DIP2C: variants seen among roughly 807,000 people sequenced by gnomAD.
DIP2C encodes the protein disco-interacting protein 2 homolog C.
A neutral mutation model predicts 192.4 loss-of-function variants in DIP2C; 33 were observed. That is an observed-to-expected ratio of 0.17 (90% CI 0.13 to 0.23). DIP2C has a LOEUF of 0.23. DIP2C is among the 10% of genes least tolerant of loss of function. DIP2C has a pLI of 1.00. For synonymous variants in DIP2C, 979 were observed against 864.1 expected, an observed-to-expected ratio of 1.13 and a Z score of -2.33; for missense variants, 1,537 against 2,110.1, an observed-to-expected ratio of 0.73 and a Z score of 5.32.
chr10:565,015 C>A (rs1163451057), intron 1 of DIP2C, among the ~76,000 whole-genome samples: 2 of 152,156 alleles, frequency 1.3e-5, no homozygotes, highest in Admixed American at 6.5e-5. Flanking sequence ...AAACACTTTT[C>A]TGGTCCCCTT....
Position 331,182 on chromosome 10 carries a change from A to G in DIP2C, c.3585-1581T>C, listed in dbSNP as rs149514110. ...GTTAGGCCTTGTTAACTACTATGCT[A>G]TAATACTAAAGCCAGTTCTTTAATG... On this transcript the variant is annotated intron_variant, in intron 29 of 36. Coordinates refer to ENST00000280886, the MANE Select transcript of DIP2C (RefSeq NM_014974.3). Among the ~76,000 whole-genome samples the G allele has an allele frequency of 5.4e-3, 821 of 152,258 alleles. 7 individuals carry two copies. The highest frequency in any genetic ancestry group is 0.028 in the South Asian group (136 of 4,818).
intron 3 of DIP2C, 46 bp downstream of exon 3, chr10:472,393 C>T (rs1159741816): frequency 1.3e-6 from 2 of 1,568,110 alleles, no homozygotes; most frequent in African/African-American, 2.7e-5. Flanking sequence ...ACCGTCCTGG[C>T]ACAGGTGGCA....
intron 17 of DIP2C, among the ~76,000 whole-genome samples, chr10:381,970 A>G (rs1201960087): frequency 6.6e-6 from 1 of 152,172 alleles, no homozygotes. Context: ...CTACAACAGC[A>G]TATTTAGGCC....
chr10:583,555 C>G (rs994907471), intron 1 of DIP2C, among the ~76,000 whole-genome samples: 5 of 152,202 alleles, frequency 3.3e-5, no homozygotes, highest in Non-Finnish European at 5.9e-5. Context: ...TGAAAGCACA[C>G]AGGTCAGGGC....
intron 3 of DIP2C, among the ~76,000 whole-genome samples, chr10:463,943 A>T (rs916582142): frequency 4.6e-5 from 7 of 152,226 alleles, no homozygotes; most frequent in Admixed American, 4.6e-4. Flanking sequence ...GCTAGCCATA[A>T]GCAGAAAACT....
chr10:346,638 CACCCA>C (rs2132607451), intron 26 of DIP2C, among the ~76,000 whole-genome samples: 1 of 137,004 alleles, frequency 7.3e-6, no homozygotes, highest in African/African-American at 2.8e-5. Context: ...ACCCCACACT[CACCCA>C]ACCCAGACAT....
intron 33 of DIP2C, 123 bp from the exon 34 acceptor site, chr10:286,470 C>T: frequency 1.2e-6 from 1 of 858,058 alleles, no homozygotes; most frequent in Non-Finnish European, 1.9e-6. Flanking sequence ...GCAATTAAAT[C>T]AAAACTATAT....
chr10:321,555 C>T (rs200572236), intron 31 of DIP2C, among the ~76,000 whole-genome samples: 2,784 of 119,472 alleles, frequency 0.023, 64 homozygotes, highest in African/African-American at 0.03. Context: ...GAGACCGGCG[C>T]TGTTAGAACA....
chr10:576,823 C>T (rs757470527), intron 1 of DIP2C, among the ~76,000 whole-genome samples: 5 of 152,104 alleles, frequency 3.3e-5, no homozygotes, highest in African/African-American at 4.8e-5. Context: ...ATAAGAATCT[C>T]TTGAACCTGG....
Position 589,125 on chromosome 10 carries a change from C to A in DIP2C, c.85+100369G>T, listed in dbSNP as rs74989552. Among the ~76,000 whole-genome samples the A allele has an allele frequency of 4.7e-3, 716 of 152,256 alleles. 5 individuals carry two copies. The highest frequency in any genetic ancestry group is 0.016 in the African/African-American group (662 of 41,534). The stretch of plus-strand genomic sequence containing the variant: ...TCAGATGCTTTCAGGCCACCCTCCC[C>A]GTCCTTCTCGATGGAGCACCTGTTC... On this transcript the variant is annotated intron_variant, in intron 1 of 36. Coordinates refer to ENST00000280886, the MANE Select transcript of DIP2C (RefSeq NM_014974.3).
intron 9 of DIP2C, among the ~76,000 whole-genome samples, chr10:408,486 G>A (rs1232891329): frequency 1.3e-5 from 2 of 152,312 alleles, no homozygotes; most frequent in African/African-American, 4.8e-5. Flanking sequence ...CATGCCCACA[G>A]CAGACTCATG....
intron 29 of DIP2C, among the ~76,000 whole-genome samples, chr10:334,304 C>CAAAAAAAAAAAAAAAAAAAAAA (rs35031456): frequency 1.2e-5 from 1 of 82,414 alleles, no homozygotes; most frequent in African/African-American, 5.2e-5. Context: ...AAGACTGTCT[C>CAAAAAAAAAAAAAAAAAAAAAA]AAAAAAAAAA....
chr10:550,935 G>A (rs1434896521), intron 1 of DIP2C, among the ~76,000 whole-genome samples: 4 of 151,746 alleles, frequency 2.6e-5, no homozygotes, highest in Non-Finnish European at 4.4e-5. Context: ...CCGGGCCTCG[G>A]TCTCCCCTCT....
At chr10:551,057 A>T (rs1848559438) in intron 1 of DIP2C, among the ~76,000 whole-genome samples, 2 of 151,692 alleles carry the variant, frequency 1.3e-5, no homozygotes, top group Non-Finnish European at 2.9e-5. Context: ...GCTCTGGTAC[A>T]TACCTGATGC....
At chr10:484,109 TTGTA>T (rs760566395) in intron 2 of DIP2C, among the ~76,000 whole-genome samples, 74 of 152,320 alleles carry the variant, frequency 4.9e-4, no homozygotes, top group African/African-American at 1.6e-3. Flanking sequence ...ACCCCCGGCC[TTGTA>T]TGTGATTTTA....
At chr10:672,416 G>A (rs1830697553) in intron 1 of DIP2C, among the ~76,000 whole-genome samples, 1 of 152,196 alleles carries the variant, frequency 6.6e-6, no homozygotes, top group Admixed American at 6.5e-5. Flanking sequence ...CTCCCACTAG[G>A]GACTCCCCGC....
intron 10 of DIP2C, among the ~76,000 whole-genome samples, chr10:392,746 TCACATA>T (rs951285151): frequency 6.9e-6 from 1 of 143,986 alleles, no homozygotes; most frequent in Non-Finnish European, 1.5e-5. Flanking sequence ...GCGCACACAC[TCACATA>T]CACACACACA....
At chr10:528,371 G>C (rs1195688087) in intron 1 of DIP2C, among the ~76,000 whole-genome samples, 1 of 91,986 alleles carries the variant, frequency 1.1e-5, no homozygotes, top group Non-Finnish European at 2.0e-5. Flanking sequence ...CCAGAACGCA[G>C]ACCGCCCGCA....
chr10:552,784 G>C (rs1423115172), intron 1 of DIP2C, among the ~76,000 whole-genome samples: 1 of 152,230 alleles, frequency 6.6e-6, no homozygotes. Flanking sequence ...GGGAGGCGGA[G>C]CTTGCACTGA....
Sources: gnomAD v4.1 joint callset for allele counts (sites outside exome capture counted in the v4.1 genomes callset) on GRCh38, gnomAD v4.1.1 for gene constraint, MANE v1.5 for transcripts, NCBI Gene and HGNC (gene_info 2026-07-23, HGNC 2026-07-21) for gene names.